The following CNTLN variants were observed in gnomAD, a reference collection of about 807,000 sequenced individuals.
The protein encoded by CNTLN is centlein.
Under a neutral mutation model 180.0 loss-of-function variants are expected in CNTLN, and 212 were observed. The ratio of observed to expected loss-of-function variants is 1.18; its 90% CI spans 1.05 to 1.32. The LOEUF is 1.32. CNTLN is among the 40% of genes most tolerant of loss of function. The pLI, the probability that CNTLN is intolerant of heterozygous loss-of-function variation, is 0.00. For synonymous variants in CNTLN, 722 were observed against 563.1 expected (o/e 1.28, Z -3.99); for missense variants, 2,095 against 1,610.9 (o/e 1.30, Z -5.14).
intron 15 of CNTLN, among the ~76,000 whole-genome samples, chr9:17,395,669 A>C (rs1252512539): frequency 6.6e-6 from 1 of 152,182 alleles, no homozygotes; most frequent in South Asian, 2.1e-4. Flanking sequence ...AGTTCTTTAA[A>C]GTTATAGCTC....
At chr9:17,170,783 A>C (rs1393953903) in intron 2 of CNTLN, among the ~76,000 whole-genome samples, 1 of 151,560 alleles carries the variant, frequency 6.6e-6, no homozygotes, top group Non-Finnish European at 1.5e-5. Flanking sequence ...CATTTTCCTC[A>C]TTACAATGTT....
In CNTLN at chr9:17,257,586, C is replaced by T. The variant is rs1272280461; in HGVS notation, c.850-16147C>T. ...CACAATGGTTGAATTAGTTTACAGT[C>T]CCACCAACAGTGTAAAAGTGTTCCT... On this transcript the variant is annotated intron_variant, in intron 5 of 25. Coordinates refer to ENST00000380647, the MANE Select transcript of CNTLN (RefSeq NM_017738.4). Among the ~76,000 whole-genome samples the T allele has an allele frequency of 3.3e-5, 5 of 151,310 alleles. No homozygotes were observed. In the East Asian group the frequency reaches 5.8e-4, roughly 18 times the overall value.
chr9:17,351,763 T>A (rs1278747223), intron 12 of CNTLN, among the ~76,000 whole-genome samples: 4 of 152,208 alleles, frequency 2.6e-5, no homozygotes, highest in African/African-American at 9.6e-5. Flanking sequence ...GTGCTGCAGA[T>A]TGACCTTTTA....
chr9:17,386,563 T>G (rs72705775), intron 13 of CNTLN, among the ~76,000 whole-genome samples: 1 of 152,130 alleles, frequency 6.6e-6, no homozygotes, highest in East Asian at 1.9e-4. Flanking sequence ...GGCCAGAAAA[T>G]TGGATCCTTG....
At position 17,342,121 on chromosome 9, in the gene CNTLN, C is replaced by T. The variant is rs1821527824; in HGVS notation, c.1767-204C>T. 2.0e-5 allele frequency among the ~76,000 whole-genome samples: 3 copies of T among 152,188 alleles called. No individual in the cohort carries two copies. In the South Asian group the frequency reaches 6.2e-4, roughly 32 times the overall value. The stretch of plus-strand genomic sequence containing the variant: ...TGTGTCTGCTTAAAAGTTTGCTTTC[C>T]ACAGTAGCAGTTTAGCTTCAAAAAA... On this transcript the variant is annotated intron_variant, in intron 11 of 25. Transcript: ENST00000380647.
chr9:17,202,773 G>T (rs1339586387), intron 2 of CNTLN, among the ~76,000 whole-genome samples: 1 of 151,016 alleles, frequency 6.6e-6, no homozygotes, highest in East Asian at 2.0e-4. Flanking sequence ...CACACCCATG[G>T]GTCTTGACTC....
At chr9:17,209,025 G>T (rs76150432) in intron 2 of CNTLN, among the ~76,000 whole-genome samples, 1 of 151,802 alleles carries the variant, frequency 6.6e-6, no homozygotes, top group Non-Finnish European at 1.5e-5. Context: ...AAGATCAATG[G>T]TTAGGTTGTT....
At chr9:17,267,924 A>T (rs1370114820) in intron 5 of CNTLN, among the ~76,000 whole-genome samples, 1 of 152,004 alleles carries the variant, frequency 6.6e-6, no homozygotes, top group African/African-American at 2.4e-5. Flanking sequence ...TAGTTGTTCT[A>T]GTTATCCATT....
downstream of CNTLN, among the ~76,000 whole-genome samples, chr9:17,504,553 CA>C (rs781352907): frequency 2.0e-5 from 3 of 152,058 alleles, no homozygotes; most frequent in Non-Finnish European, 2.9e-5. Context: ...AGGAAATTTG[CA>C]AATATGATTA....
chr9:17,290,927 A>G (rs1051331142), intron 6 of CNTLN, among the ~76,000 whole-genome samples: 14 of 152,076 alleles, frequency 9.2e-5, no homozygotes, highest in South Asian at 4.2e-4. Flanking sequence ...CTAGTGAGAG[A>G]AACCCGGTAC....
the CNTLN span, among the ~76,000 whole-genome samples, chr9:17,525,206 G>C: frequency 2.0e-5 from 3 of 151,868 alleles, no homozygotes; most frequent in Non-Finnish European, 4.4e-5. Flanking sequence ...TGATTAATAT[G>C]CGTGACTATT....
intron 6 of CNTLN, among the ~76,000 whole-genome samples, chr9:17,277,323 T>TTC (rs1828375662): frequency 6.6e-6 from 1 of 152,074 alleles, no homozygotes; most frequent in African/African-American, 2.4e-5. Context: ...AGAATTTTTG[T>TTC]TAGAAATTGA....
chr9:17,321,861 T>C (rs1445113470), intron 8 of CNTLN, among the ~76,000 whole-genome samples: 1 of 152,184 alleles, frequency 6.6e-6, no homozygotes, highest in Non-Finnish European at 1.5e-5. Flanking sequence ...ATTTTCAGCA[T>C]GGAAGAATAT....
intron 18 of CNTLN, among the ~76,000 whole-genome samples, chr9:17,425,727 T>C (rs1348277): frequency 0.37 from 56,086 of 151,926 alleles, 10,620 homozygotes; most frequent in South Asian, 0.57. Flanking sequence ...GCAATCCTTA[T>C]GATAAAATAT....
At chr9:17,261,081 C>G (rs1273392965) in intron 5 of CNTLN, among the ~76,000 whole-genome samples, 1 of 151,158 alleles carries the variant, frequency 6.6e-6, no homozygotes, top group African/African-American at 2.5e-5. Flanking sequence ...TTACTGTAGC[C>G]CTGTAGTATA....
At chr9:17,359,822 C>G (rs904987964) in intron 12 of CNTLN, among the ~76,000 whole-genome samples, 1 of 147,376 alleles carries the variant, frequency 6.8e-6, no homozygotes. Flanking sequence ...ATGGCGTGAA[C>G]CTGGGAGGCG....
chr9:17,174,729 A>T (rs942520917), intron 2 of CNTLN, among the ~76,000 whole-genome samples: 3 of 152,064 alleles, frequency 2.0e-5, no homozygotes, highest in African/African-American at 7.2e-5. Flanking sequence ...GAAATTGCCA[A>T]ACCGTTTGTC....
At chr9:17,355,668 C>G (rs1007538410) in intron 12 of CNTLN, among the ~76,000 whole-genome samples, 2 of 152,020 alleles carry the variant, frequency 1.3e-5, no homozygotes, top group African/African-American at 4.8e-5. Flanking sequence ...TCAGTTATCC[C>G]AAATAATAAT....
At chr9:17,425,303 A>G (rs1381675990) in intron 18 of CNTLN, among the ~76,000 whole-genome samples, 1 of 152,098 alleles carries the variant, frequency 6.6e-6, no homozygotes, top group Non-Finnish European at 1.5e-5. Context: ...GGCCCTCATC[A>G]TGTGGTTAGT....
Sources: allele counts gnomAD v4.1 joint callset (sites outside exome capture counted in the v4.1 genomes callset), GRCh38; gene constraint gnomAD v4.1.1; transcripts MANE v1.5; gene names NCBI Gene and HGNC (gene_info 2026-07-23, HGNC 2026-07-21).